The following SPMIP7 variants were observed in gnomAD, a reference collection of about 807,000 sequenced individuals.
SPMIP7 encodes sperm microtubule inner protein 7.
the SPMIP7 span, among the ~76,000 whole-genome samples, chr7:50,133,430 A>C: frequency 6.6e-6 from 1 of 152,168 alleles, no homozygotes; most frequent in African/African-American, 2.4e-5. Context: ...AAGCAAAGGA[A>C]ATCAGTTTTC....
chr7:50,153,028 G>A, the SPMIP7 span, among the ~76,000 whole-genome samples: 11 of 152,128 alleles, frequency 7.2e-5, no homozygotes, highest in African/African-American at 2.4e-4. Flanking sequence ...GCCAGGCACT[G>A]TTCAAGACAC....
At chr7:50,120,272 C>T in the SPMIP7 span, 1 of 152,130 alleles carries the variant, frequency 6.6e-6, no homozygotes, top group Non-Finnish European at 1.5e-5. Flanking sequence ...TTCCTGGATG[C>T]TCACTCTTGT....
At chr7:50,145,357 T>G in the SPMIP7 span, among the ~76,000 whole-genome samples, 1 of 151,378 alleles carries the variant, frequency 6.6e-6, no homozygotes, top group Admixed American at 6.6e-5. Context: ...GTGAACAAGT[T>G]TGAAGATAAG....
At chr7:50,125,137 C>CACACATATACACACATATATAT in the SPMIP7 span, among the ~76,000 whole-genome samples, 2 of 38,920 alleles carry the variant, frequency 5.1e-5, 1 homozygote, top group Non-Finnish European at 9.3e-5. Flanking sequence ...CACACACACA[C>CACACATATACACACATATATAT]ACACATATAC....
At chr7:50,120,929 T>G in the SPMIP7 span, among the ~76,000 whole-genome samples, 1 of 152,216 alleles carries the variant, frequency 6.6e-6, no homozygotes, top group Non-Finnish European at 1.5e-5. Flanking sequence ...TTGAATTGTT[T>G]GTTCTGATGA....
the SPMIP7 span, among the ~76,000 whole-genome samples, chr7:50,125,135 C>CAT: frequency 5.2e-5 from 2 of 38,344 alleles, no homozygotes; most frequent in African/African-American, 1.5e-4. Flanking sequence ...CACACACACA[C>CAT]ACACACATAT....
chr7:50,102,911 G>A, the SPMIP7 span, among the ~76,000 whole-genome samples: 6 of 150,230 alleles, frequency 4.0e-5, no homozygotes, highest in African/African-American at 7.3e-5. Context: ...CAGATGGGTC[G>A]AATAACTCAT....
At chr7:50,142,433 T>C in the SPMIP7 span, 6 of 152,346 alleles carry the variant, frequency 3.9e-5, no homozygotes, top group African/African-American at 1.4e-4. Flanking sequence ...TGTTAATTTC[T>C]GTTTTTAAGC....
the SPMIP7 span, among the ~76,000 whole-genome samples, chr7:50,156,221 T>C: frequency 1.3e-5 from 2 of 152,172 alleles, no homozygotes; most frequent in Non-Finnish European, 2.9e-5. Context: ...TCAAAAAGTA[T>C]CACTCTGATT....
chr7:50,151,012 T>C, the SPMIP7 span, among the ~76,000 whole-genome samples: 19 of 152,328 alleles, frequency 1.2e-4, no homozygotes, highest in Non-Finnish European at 2.5e-4. Context: ...AAGAAAGATA[T>C]CTGATAAAAG....
At chr7:50,134,098 A>C in the SPMIP7 span, 1 of 1,527,858 alleles carries the variant, frequency 6.5e-7, no homozygotes, top group East Asian at 2.5e-5. Context: ...CCTATTTAAT[A>C]ACTTCATAGA....
chr7:50,124,848 C>T, the SPMIP7 span, among the ~76,000 whole-genome samples: 2 of 151,974 alleles, frequency 1.3e-5, no homozygotes, highest in African/African-American at 4.8e-5. Context: ...CCTGTAATCC[C>T]AGGACTTTGG....
At chr7:50,145,618 G>GTGTA in the SPMIP7 span, among the ~76,000 whole-genome samples, 11 of 27,710 alleles carry the variant, frequency 4.0e-4, no homozygotes, top group Non-Finnish European at 4.5e-4. Context: ...ATATGTGTGT[G>GTGTA]TATATATATA....
At chr7:50,127,471 G>T in the SPMIP7 span, among the ~76,000 whole-genome samples, 2 of 151,492 alleles carry the variant, frequency 1.3e-5, no homozygotes, top group Non-Finnish European at 2.9e-5. Context: ...CTCACAGAAT[G>T]GGGAAAATAT....
the SPMIP7 span, among the ~76,000 whole-genome samples, chr7:50,146,773 T>C: frequency 6.6e-6 from 1 of 152,214 alleles, no homozygotes; most frequent in African/African-American, 2.4e-5. Flanking sequence ...AATTTACTAC[T>C]CTTCCTCCGT....
the SPMIP7 span, chr7:50,117,302 T>C: frequency 1.3e-5 from 6 of 453,150 alleles, no homozygotes; most frequent in Non-Finnish European, 2.2e-5. Context: ...TAGCCTGTGA[T>C]TGGACTCAGT....
the SPMIP7 span, among the ~76,000 whole-genome samples, chr7:50,127,926 C>G: frequency 6.6e-6 from 1 of 151,816 alleles, no homozygotes. Context: ...AAACCTAAAA[C>G]TAGAAATACT....
At chr7:50,098,591 G>A in the SPMIP7 span, among the ~76,000 whole-genome samples, 1 of 152,154 alleles carries the variant, frequency 6.6e-6, no homozygotes, top group Non-Finnish European at 1.5e-5. Flanking sequence ...TAGAGGCTGG[G>A]AAGCCAAGAA....
the SPMIP7 span, among the ~76,000 whole-genome samples, chr7:50,149,417 C>T: frequency 1.3e-5 from 2 of 152,214 alleles, no homozygotes; most frequent in African/African-American, 4.8e-5. Context: ...TCCTCTAATC[C>T]CCAGAGTGCC....
Sources: allele counts gnomAD v4.1 joint callset (sites outside exome capture counted in the v4.1 genomes callset), GRCh38; gene constraint gnomAD v4.1.1; transcripts MANE v1.5; gene names NCBI Gene and HGNC (gene_info 2026-07-23, HGNC 2026-07-21).